SUSD3: variants seen among roughly 807,000 people sequenced by gnomAD.
SUSD3 encodes the protein sushi domain-containing protein 3.
In SUSD3, 18 loss-of-function variants were observed where a neutral mutation model predicts 20.6. The ratio of observed to expected loss-of-function variants is 0.87; its 90% CI spans 0.60 to 1.30. The LOEUF (loss-of-function observed/expected upper bound fraction) is 1.30. SUSD3 is among the 50% of genes most tolerant of loss of function. SUSD3 has a pLI of 0.00. For synonymous variants in SUSD3, 137 were observed against 141.5 expected (o/e 0.97, Z 0.23); for missense variants, 306 against 346.9 (o/e 0.88, Z 0.94).
At chr9:93,063,119 C>T (rs1416477589) in intron 1 of SUSD3, among the ~76,000 whole-genome samples, 1 of 152,094 alleles carries the variant, frequency 6.6e-6, no homozygotes, top group Non-Finnish European at 1.5e-5. Flanking sequence ...CTCCCAGGCT[C>T]AGGAAAGGAG....
intron 3 of SUSD3, among the ~76,000 whole-genome samples, chr9:93,078,333 A>C (rs1270971875): frequency 6.6e-6 from 1 of 152,066 alleles, no homozygotes; most frequent in Non-Finnish European, 1.5e-5. Context: ...ATCTCAGCTC[A>C]CTGCAACCTC....
At chr9:93,062,808 G>C (rs937247703) in intron 1 of SUSD3, among the ~76,000 whole-genome samples, 6 of 152,274 alleles carry the variant, frequency 3.9e-5, no homozygotes, top group African/African-American at 1.4e-4. Context: ...CCATCCTCAT[G>C]CCTTGGTGAT....
At chr9:93,059,820 C>T (rs1217594770) in intron 1 of SUSD3, among the ~76,000 whole-genome samples, 1 of 152,214 alleles carries the variant, frequency 6.6e-6, no homozygotes, top group Non-Finnish European at 1.5e-5. Context: ...GCTAATTCAC[C>T]GAGCAGAGGT....
Position 93,085,040 on chromosome 9 carries a change from CA to C in SUSD3, c.*294del, listed in dbSNP as rs1459891252. 1 of 325,404 alleles carries C rather than the reference CA, an allele frequency of 3.1e-6. No individual in the cohort carries two copies. Among genetic ancestry groups the C allele is most frequent in the Non-Finnish European group, 5.6e-6 (1 of 179,276 alleles). 20.2% of individuals were successfully genotyped at this position (325,404 alleles called of 1,614,324 possible). A position where few individuals can be genotyped will look rare whatever the true frequency, so the allele number is the denominator to read the frequency against. On this transcript the variant is annotated 3_prime_UTR_variant, in exon 5 of 5. Transcript: ENST00000375472. This position sits in a 1 kb window ranked among gnomAD's most constrained non-coding sequence, Gnocchi z 4.3. ...CTAGCTGTGGCCTCCCACTAACTAG[CA>C]TTCCTTTAAAGAGACTGGGAAATGT... is the stretch of plus-strand genomic sequence containing the variant.
chr9:93,068,799 T>C (rs1251361897), intron 1 of SUSD3, among the ~76,000 whole-genome samples: 2 of 152,212 alleles, frequency 1.3e-5, no homozygotes, highest in Admixed American at 1.3e-4. Context: ...GTGAATATAG[T>C]AGATACAATG....
rs982040247 is a variant in SUSD3 at position 93,058,757 on chromosome 9, C to A, written c.15C>A (p.Ala5=). 8.1e-7 allele frequency: 1 copy of A among 1,236,458 alleles called. No individual in the cohort carries two copies. The allele number at this position is 1,236,458 out of a possible 1,614,324, so 76.6% of individuals were successfully genotyped here. The change falls in exon 1 of 5, where the codon GCC becomes GCA. Residue 5 remains alanine, a synonymous_variant. Coordinates refer to ENST00000375472, the MANE Select transcript of SUSD3 (RefSeq NM_145006.4). The part of the protein sequence containing the change: MRWA[A]ATLRGKARPR... ...GAGCGCGCAGGATGCGCTGGGCGGC[C>A]GCCACCCTCCGTGGCAAGGCGAGGC...
intron 4 of SUSD3, among the ~76,000 whole-genome samples, chr9:93,083,632 A>T (rs1479336752): frequency 6.6e-6 from 1 of 152,248 alleles, no homozygotes; most frequent in Admixed American, 6.5e-5. Flanking sequence ...AAACTTGTGT[A>T]GACTCCCACA....
chr9:93,075,243 G>A (rs910988937), intron 1 of SUSD3, among the ~76,000 whole-genome samples: 1 of 151,994 alleles, frequency 6.6e-6, no homozygotes, highest in Non-Finnish European at 1.5e-5. Context: ...TGATGTGTAA[G>A]ACCTCTTCAT....
At chr9:93,061,820 G>T (rs1053358453) in intron 1 of SUSD3, among the ~76,000 whole-genome samples, 10 of 152,226 alleles carry the variant, frequency 6.6e-5, no homozygotes, top group African/African-American at 2.4e-4. Context: ...CCAGATTGAG[G>T]TCACACAGGG....
intron 1 of SUSD3, among the ~76,000 whole-genome samples, chr9:93,070,027 C>T (rs1825852777): frequency 6.6e-6 from 1 of 152,154 alleles, no homozygotes. Flanking sequence ...GATCCACCTG[C>T]CTCGGCCTCC....
intron 1 of SUSD3, among the ~76,000 whole-genome samples, chr9:93,074,659 T>G (rs1440922771): frequency 6.8e-6 from 1 of 147,948 alleles, no homozygotes; most frequent in Non-Finnish European, 1.5e-5. Context: ...CTCACTCTGT[T>G]GCCAGGCTGG....
At chr9:93,063,931 T>C (rs1194827686) in intron 1 of SUSD3, among the ~76,000 whole-genome samples, 1 of 152,228 alleles carries the variant, frequency 6.6e-6, no homozygotes, top group Admixed American at 6.5e-5. Context: ...TTTACTGGGC[T>C]TGTATTCCAA....
intron 2 of SUSD3, among the ~76,000 whole-genome samples, chr9:93,076,894 T>C (rs1419616258): frequency 6.6e-6 from 1 of 152,192 alleles, no homozygotes; most frequent in African/African-American, 2.4e-5. Flanking sequence ...GCAGCTGTTA[T>C]GGGGTGAGGG....
chr9:93,066,953 C>A (rs1209239584), intron 1 of SUSD3, among the ~76,000 whole-genome samples: 1 of 152,170 alleles, frequency 6.6e-6, no homozygotes, highest in Non-Finnish European at 1.5e-5. Context: ...GGTGATCTGA[C>A]CGCCTTGGCC....
rs778605006 is a variant in SUSD3 at position 93,075,771 on chromosome 9, C to T, written c.89-13C>T. On this transcript the variant is annotated splice_polypyrimidine_tract_variant and intron_variant, in intron 1 of 4. Transcript: ENST00000375472. ...CCCCCCCCGCCATGCCTCATACCTGCCTGTCTCCCCAGGCACGTGCGCTAA... is the reference window on the plus strand; with the variant it reads ...CCCCCCCCGCCATGCCTCATACCTGTCTGTCTCCCCAGGCACGTGCGCTAA... The T allele has an allele frequency of 1.5e-6, 2 of 1,299,944 alleles. No individual in the cohort carries two copies. The highest frequency in any genetic ancestry group is 1.9e-5 in the Admixed American group (1 of 51,356). 80.5% of individuals were successfully genotyped at this position (1,299,944 alleles called of 1,614,324 possible).
chr9:93,075,645 C>T (rs1280512716), intron 1 of SUSD3, 139 bp from the exon 2 acceptor site: 3 of 641,808 alleles, frequency 4.7e-6, no homozygotes. Flanking sequence ...TCTAGAGCAT[C>T]CAATGGCCTT....
chr9:93,058,880 C>A, intron 1 of SUSD3, 50 bp downstream of exon 1: 1 of 1,148,160 alleles, frequency 8.7e-7, no homozygotes, highest in Non-Finnish European at 1.1e-6. Flanking sequence ...GCCCATTTCA[C>A]AGACGGGAAA....
intron 1 of SUSD3, among the ~76,000 whole-genome samples, chr9:93,074,511 A>T (rs115999222): frequency 3.3e-5 from 5 of 150,618 alleles, no homozygotes; most frequent in Non-Finnish European, 7.4e-5. Context: ...GGCCCTGGGT[A>T]AGGGAATCAT....
rs1176511522 is a variant in SUSD3, at chr9:93,069,045, C to T, written c.89-6739C>T. On this transcript the variant is annotated intron_variant, in intron 1 of 4. Transcript: ENST00000375472. The stretch of plus-strand genomic sequence containing the variant: ...TAAATATCTTAATAGACGGTACTCA[C>T]CCTTCTTGCGATGATGTGAGATGAT... 4 of 698,848 alleles carry T rather than the reference C, an allele frequency of 5.7e-6. No homozygotes were observed. In the East Asian group the frequency reaches 1.1e-4, roughly 19 times the overall value. 43.3% of individuals were successfully genotyped at this position (698,848 alleles called of 1,614,324 possible).
Sources: allele counts gnomAD v4.1 joint callset (sites outside exome capture counted in the v4.1 genomes callset), GRCh38; gene constraint gnomAD v4.1.1; non-coding constraint Gnocchi (gnomAD v3.1); transcripts MANE v1.5; gene names NCBI Gene and HGNC (gene_info 2026-07-23, HGNC 2026-07-21).